XKR4: variants seen among roughly 807,000 people sequenced by gnomAD.
The protein encoded by XKR4 is XK-related protein 4.
A neutral mutation model predicts 53.9 loss-of-function variants in XKR4; 12 were observed. The observed-to-expected ratio is 0.22, with a 90% confidence interval of 0.14 to 0.36. The LOEUF (loss-of-function observed/expected upper bound fraction) is 0.36, where lower values mean the gene tolerates loss of function less well. XKR4 is among the 10% of genes least tolerant of loss of function. XKR4 has a pLI of 1.00. For synonymous variants in XKR4, 354 were observed against 362.4 expected (o/e 0.98, Z 0.26); for missense variants, 799 against 859.5 (o/e 0.93, Z 0.88).
At chr8:55,169,342 G>A (rs1294103579) in intron 1 of XKR4, among the ~76,000 whole-genome samples, 1 of 152,236 alleles carries the variant, frequency 6.6e-6, no homozygotes, top group Non-Finnish European at 1.5e-5. Flanking sequence ...AGGTGGGAAG[G>A]GCAGGTAAAA....
intron 2 of XKR4, among the ~76,000 whole-genome samples, chr8:55,462,997 G>A (rs936125394): frequency 1.3e-5 from 2 of 152,136 alleles, no homozygotes; most frequent in Admixed American, 6.5e-5. Context: ...GACCTACAAA[G>A]AGACTTACAC....
At chr8:55,216,727 CAAAA>C (rs35682640) in intron 1 of XKR4, among the ~76,000 whole-genome samples, 1 of 101,094 alleles carries the variant, frequency 9.9e-6, no homozygotes. Flanking sequence ...AATTGCATCT[CAAAA>C]AAAAAAAAAA....
In XKR4 at chr8:55,118,253, G is replaced by A. The variant is rs1020259742; in HGVS notation, c.806+14959G>A. The stretch of plus-strand genomic sequence containing the variant: ...ACATATTATTTCCATTGGGAAATGC[G>A]TAGTACTAAAGAATGCTAAGTATAT... On this transcript the variant is annotated intron_variant, in intron 1 of 2. Coordinates refer to ENST00000327381, the MANE Select transcript of XKR4 (RefSeq NM_052898.2). 3.3e-5 allele frequency among the ~76,000 whole-genome samples: 5 copies of A among 152,290 alleles called. No homozygotes were observed. In the East Asian group the frequency reaches 5.8e-4, roughly 18 times the overall value.
chr8:55,530,878 C>A lies in XKR4; in HGVS notation c.*6651C>A, dbSNP rs1438154822. ...AATACACTTTTTTTTTTCCCTGAGT[C>A]ATTTATTCAACAAGTTTGACCTCTA... On this transcript the variant is annotated 3_prime_UTR_variant, in exon 3 of 3. Transcript: ENST00000327381. 2 of 151,592 alleles carry A rather than the reference C, an allele frequency of 1.3e-5. No individual in the cohort carries two copies. Among genetic ancestry groups the A allele is most frequent in the East Asian group, 3.9e-4 (2 of 5,188 alleles). 9.4% of individuals were successfully genotyped at this position (151,592 alleles called of 1,614,324 possible).
chr8:55,302,889 A>G (rs1027626253), intron 1 of XKR4, among the ~76,000 whole-genome samples: 5 of 152,120 alleles, frequency 3.3e-5, no homozygotes, highest in African/African-American at 4.8e-5. Flanking sequence ...GCTTAAGGAG[A>G]TTTTGGGCTG....
intron 1 of XKR4, among the ~76,000 whole-genome samples, chr8:55,179,654 G>T (rs1486823355): frequency 6.6e-6 from 1 of 152,138 alleles, no homozygotes; most frequent in Admixed American, 6.5e-5. Context: ...TATTCTCTAT[G>T]TTCTCGCTGA....
chr8:55,368,429 G>A (rs554860059), intron 2 of XKR4, among the ~76,000 whole-genome samples: 6 of 152,206 alleles, frequency 3.9e-5, no homozygotes, highest in East Asian at 1.9e-4. Flanking sequence ...CTGGCTGGCC[G>A]TCCTCTGTCT....
rs1387729986 is a variant in XKR4, at chr8:55,341,086, GC to G, written c.807-16591del. On this transcript the variant is annotated intron_variant, in intron 1 of 2. Coordinates refer to ENST00000327381, the MANE Select transcript of XKR4 (RefSeq NM_052898.2). Reference sequence around the variant, plus strand: ...AAAGAAGCACATCATTGGGGGTGCTGCGGGGAACCTGTGATACAACTGAGAT... The same window carrying G: ...AAAGAAGCACATCATTGGGGGTGCTGGGGGAACCTGTGATACAACTGAGAT... Among the ~76,000 whole-genome samples the G allele has an allele frequency of 4.6e-5, 7 of 152,174 alleles. No individual in the cohort carries two copies. In the South Asian group the frequency reaches 1.5e-3, roughly 32 times the overall value.
intron 1 of XKR4, among the ~76,000 whole-genome samples, chr8:55,140,613 G>A (rs1307440345): frequency 6.6e-6 from 1 of 152,206 alleles, no homozygotes; most frequent in Non-Finnish European, 1.5e-5. Flanking sequence ...GTTTGTTGTT[G>A]TTCATATTGG....
At chr8:55,409,775 T>C (rs1804748510) in intron 2 of XKR4, among the ~76,000 whole-genome samples, 1 of 152,180 alleles carries the variant, frequency 6.6e-6, no homozygotes, top group Non-Finnish European at 1.5e-5. Context: ...AGGATCTCTT[T>C]TTAAAAAACC....
At chr8:55,109,869 T>A (rs1816209036) in intron 1 of XKR4, among the ~76,000 whole-genome samples, 1 of 152,222 alleles carries the variant, frequency 6.6e-6, no homozygotes, top group African/African-American at 2.4e-5. Flanking sequence ...TTCTTCATGA[T>A]TGAGTATCCA....
intron 1 of XKR4, among the ~76,000 whole-genome samples, chr8:55,221,126 G>A (rs1053625285): frequency 5.9e-5 from 9 of 152,200 alleles, no homozygotes; most frequent in African/African-American, 9.6e-5. Flanking sequence ...AAGGCTGGCC[G>A]GCCAATGTGG....
intron 2 of XKR4, among the ~76,000 whole-genome samples, chr8:55,461,232 G>GT (rs1318080340): frequency 2.0e-5 from 3 of 152,208 alleles, no homozygotes; most frequent in Admixed American, 2.0e-4. Flanking sequence ...CCCAGTAGGG[G>GT]CGGACTGACA....
chr8:55,510,770 T>C (rs1411672082), intron 2 of XKR4, among the ~76,000 whole-genome samples: 2 of 152,190 alleles, frequency 1.3e-5, no homozygotes, highest in African/African-American at 4.8e-5. Flanking sequence ...ACTTTTTCCT[T>C]TTTCAAAAGC....
intron 1 of XKR4, among the ~76,000 whole-genome samples, chr8:55,334,191 G>A (rs1046195635): frequency 6.6e-6 from 1 of 152,150 alleles, no homozygotes; most frequent in African/African-American, 2.4e-5. Flanking sequence ...AACCTAGAAT[G>A]GTGAAGCTCA....
At chr8:55,448,328 C>T (rs1275712954) in intron 2 of XKR4, among the ~76,000 whole-genome samples, 5 of 152,138 alleles carry the variant, frequency 3.3e-5, no homozygotes, top group Non-Finnish European at 1.5e-5. Flanking sequence ...GCACAAGTAC[C>T]AATCAATGAA....
At chr8:55,350,087 T>G (rs1362994764) in intron 1 of XKR4, among the ~76,000 whole-genome samples, 2 of 152,222 alleles carry the variant, frequency 1.3e-5, no homozygotes, top group Non-Finnish European at 2.9e-5. Context: ...ACCTGCCTTT[T>G]GCCTTAACAA....
intron 1 of XKR4, among the ~76,000 whole-genome samples, chr8:55,112,173 T>C (rs2129351058): frequency 6.6e-6 from 1 of 152,358 alleles, no homozygotes; most frequent in East Asian, 1.9e-4. Context: ...TCAAACTATT[T>C]TCTCATCTTT....
chr8:55,136,927 CA>C (rs1363223945), intron 1 of XKR4, among the ~76,000 whole-genome samples: 4 of 152,140 alleles, frequency 2.6e-5, no homozygotes, highest in African/African-American at 9.7e-5. Context: ...CAAAGGCACC[CA>C]TCTTTGAGGC....
Sources: allele counts gnomAD v4.1 joint callset (sites outside exome capture counted in the v4.1 genomes callset), GRCh38; gene constraint gnomAD v4.1.1; transcripts MANE v1.5; gene names NCBI Gene and HGNC (gene_info 2026-07-23, HGNC 2026-07-21).